The following DIS3L2 variants were observed in gnomAD, a reference collection of about 807,000 sequenced individuals.
DIS3L2 encodes DIS3 like 3'-5' exoribonuclease 2, also known as DIS3-like exonuclease 2.
A neutral mutation model predicts 97.5 loss-of-function variants in DIS3L2; 34 were observed. The ratio of observed to expected loss-of-function variants is 0.35; its 90% confidence interval spans 0.27 to 0.46. The LOEUF (loss-of-function observed/expected upper bound fraction) is 0.46, where lower values mean the gene tolerates loss of function less well. DIS3L2 is among the 20% of genes least tolerant of loss of function. The probability of loss-of-function intolerance (pLI) is 1.00; values close to 1 mark genes in which losing one functional copy is unlikely to be tolerated. For synonymous variants in DIS3L2, 435 were observed against 445.2 expected, an observed-to-expected ratio of 0.98 and a Z score of 0.29; for missense variants, 1,038 against 1,146.0, an observed-to-expected ratio of 0.91 and a Z score of 1.36.
At chr2:232,019,760 T>A (rs1006788885) in intron 3 of DIS3L2, among the ~76,000 whole-genome samples, 1 of 152,018 alleles carries the variant, frequency 6.6e-6, no homozygotes. Flanking sequence ...CAAATGTTTC[T>A]TGACTTCTTA....
intron 14 of DIS3L2, among the ~76,000 whole-genome samples, chr2:232,311,005 A>G (rs1030479132): frequency 5.9e-5 from 9 of 152,218 alleles, no homozygotes; most frequent in African/African-American, 1.7e-4. Flanking sequence ...CCAGGGAGGG[A>G]CAGAGTCTGA....
intron 6 of DIS3L2, among the ~76,000 whole-genome samples, chr2:232,090,682 A>G (rs1696810324): frequency 6.6e-6 from 1 of 152,258 alleles, no homozygotes; most frequent in African/African-American, 2.4e-5. Context: ...TAAGACTTCT[A>G]GAAAGGTTCT....
At chr2:232,006,221 TATAAA>T (rs1369063099) in intron 1 of DIS3L2, among the ~76,000 whole-genome samples, 1 of 152,140 alleles carries the variant, frequency 6.6e-6, no homozygotes, top group Non-Finnish European at 1.5e-5. Context: ...AAAGGCATTT[TATAAA>T]ATATCTTCTA....
At chr2:232,133,999 A>AAAAAAAAAAAAC in intron 7 of DIS3L2, among the ~76,000 whole-genome samples, 1 of 150,812 alleles carries the variant, frequency 6.6e-6, no homozygotes, top group African/African-American at 2.4e-5. Flanking sequence ...AAAAAAAAAA[A>AAAAAAAAAAAAC]AAATTATATA....
At chr2:232,306,749 A>C (rs776920971) in intron 14 of DIS3L2, among the ~76,000 whole-genome samples, 55 of 152,232 alleles carry the variant, frequency 3.6e-4, no homozygotes, top group Non-Finnish European at 7.5e-4. Flanking sequence ...ACAGAGGCCC[A>C]TGTGCCAGTG....
intron 9 of DIS3L2, among the ~76,000 whole-genome samples, chr2:232,202,563 T>C (rs1399956584): frequency 3.9e-5 from 6 of 152,210 alleles, no homozygotes; most frequent in African/African-American, 1.2e-4. Context: ...ACACATTCAC[T>C]TGGTGTAGAA....
chr2:232,031,639 A>G (rs571679763), intron 5 of DIS3L2, among the ~76,000 whole-genome samples: 25 of 151,412 alleles, frequency 1.7e-4, no homozygotes, highest in Non-Finnish European at 2.9e-4. Context: ...TTCTAATGCT[A>G]TCCCTCCCCT....
intron 6 of DIS3L2, among the ~76,000 whole-genome samples, chr2:232,106,674 A>T (rs765553531): frequency 6.6e-6 from 1 of 152,234 alleles, no homozygotes; most frequent in Admixed American, 6.5e-5. Context: ...TTAACACCCC[A>T]CTGACAATAT....
intron 5 of DIS3L2, among the ~76,000 whole-genome samples, chr2:232,079,423 C>T (rs761425685): frequency 2.0e-5 from 3 of 151,492 alleles, no homozygotes; most frequent in South Asian, 2.1e-4. Context: ...GGTGAAACCC[C>T]GTCTCTACTA....
chr2:232,006,358 T>A (rs1694053252), intron 1 of DIS3L2, among the ~76,000 whole-genome samples: 3 of 152,178 alleles, frequency 2.0e-5, no homozygotes, highest in African/African-American at 7.2e-5. Flanking sequence ...CAGTGCTAAT[T>A]AAGTTGGAAA....
chr2:232,104,035 CT>C (rs1376245769), intron 6 of DIS3L2, among the ~76,000 whole-genome samples: 1 of 151,740 alleles, frequency 6.6e-6, no homozygotes, highest in Non-Finnish European at 1.5e-5. Flanking sequence ...GTGACTTAAT[CT>C]GTTTAATTTT....
At chr2:232,101,061 C>G (rs989514721) in intron 6 of DIS3L2, among the ~76,000 whole-genome samples, 1 of 151,852 alleles carries the variant, frequency 6.6e-6, no homozygotes, top group Non-Finnish European at 1.5e-5. Flanking sequence ...CGTGGTGAAA[C>G]CCCGTCTCTA....
intron 14 of DIS3L2, among the ~76,000 whole-genome samples, chr2:232,306,166 C>T (rs941093482): frequency 6.6e-6 from 1 of 152,216 alleles, no homozygotes; most frequent in African/African-American, 2.4e-5. Context: ...ACCCATGTGC[C>T]GTGTGGGCTT....
At chr2:232,205,834 C>T (rs1189361807) in intron 9 of DIS3L2, among the ~76,000 whole-genome samples, 1 of 152,092 alleles carries the variant, frequency 6.6e-6, no homozygotes, top group African/African-American at 2.4e-5. Flanking sequence ...AAAAGGGAAG[C>T]CATCAAGGAT....
intron 5 of DIS3L2, among the ~76,000 whole-genome samples, chr2:232,068,216 G>A (rs1203630451): frequency 6.6e-6 from 1 of 152,102 alleles, no homozygotes; most frequent in African/African-American, 2.4e-5. Flanking sequence ...CTAGCAATAT[G>A]TACTTTACAG....
At chr2:232,218,090 G>T (rs1461851606) in intron 10 of DIS3L2, among the ~76,000 whole-genome samples, 4 of 152,184 alleles carry the variant, frequency 2.6e-5, no homozygotes, top group African/African-American at 9.7e-5. Flanking sequence ...GGGAAGAGGG[G>T]AAGATTAGAG....
At chr2:232,227,561 A>T (rs562962452) in intron 10 of DIS3L2, among the ~76,000 whole-genome samples, 155 of 152,340 alleles carry the variant, frequency 1.0e-3, no homozygotes, top group Non-Finnish European at 1.8e-3. Flanking sequence ...ATTTCTTGTT[A>T]ACTTTTGTGA....
At chr2:232,316,331 T>TC (rs1012507806) in intron 14 of DIS3L2, among the ~76,000 whole-genome samples, 9 of 152,134 alleles carry the variant, frequency 5.9e-5, no homozygotes, top group African/African-American at 1.9e-4. Flanking sequence ...TTTAATGGGG[T>TC]CCCCTGTACT....
chr2:232,094,362 CTCTT>C (rs956918488), intron 6 of DIS3L2, among the ~76,000 whole-genome samples: 38 of 152,192 alleles, frequency 2.5e-4, no homozygotes, highest in African/African-American at 9.2e-4. Flanking sequence ...ATTAAGCCAG[CTCTT>C]TCTTTGTTGA....
Sources: allele counts gnomAD v4.1 joint callset (sites outside exome capture counted in the v4.1 genomes callset), GRCh38; gene constraint gnomAD v4.1.1; transcripts MANE v1.5; gene names NCBI Gene and HGNC (gene_info 2026-07-23, HGNC 2026-07-21).